TLK1: variants seen among roughly 807,000 people sequenced by gnomAD.
TLK1 encodes tousled like kinase 1, also known as serine/threonine-protein kinase tousled-like 1.
Under a neutral mutation model 105.3 loss-of-function variants are expected in TLK1, and 24 were observed. The ratio of observed to expected loss-of-function variants is 0.23; its 90% CI spans 0.17 to 0.32. The LOEUF is 0.32. Ranked by LOEUF, TLK1 falls within the 10% of genes least tolerant of loss-of-function variation. TLK1 has a pLI of 1.00. For missense variants in TLK1, 558 were observed against 910.5 expected (o/e 0.61, Z 4.98); for synonymous variants, 321 against 310.4 (o/e 1.03, Z -0.36).
chr2:171,112,751 A>T (rs1690237506), intron 2 of TLK1, among the ~76,000 whole-genome samples: 1 of 152,188 alleles, frequency 6.6e-6, no homozygotes, highest in Non-Finnish European at 1.5e-5. Flanking sequence ...AACTATAAAA[A>T]TTAAAAGCAT....
At chr2:171,109,532 CA>C (rs758969230) in intron 2 of TLK1, among the ~76,000 whole-genome samples, 1 of 152,136 alleles carries the variant, frequency 6.6e-6, no homozygotes, top group African/African-American at 2.4e-5. Flanking sequence ...AAAAGAATCA[CA>C]ACAAAATGTC....
At chr2:171,093,741 T>C (rs529667768) in intron 2 of TLK1, among the ~76,000 whole-genome samples, 107 of 152,102 alleles carry the variant, frequency 7.0e-4, no homozygotes, top group Non-Finnish European at 1.3e-3. Flanking sequence ...AATAGGTAAG[T>C]AAGATCAGGC....
intron 3 of TLK1, among the ~76,000 whole-genome samples, chr2:171,062,449 T>C (rs1301730275): frequency 6.6e-6 from 1 of 152,144 alleles, no homozygotes; most frequent in East Asian, 1.9e-4. Context: ...CTAAGTACCA[T>C]CTTGAGTATT....
intron 1 of TLK1, among the ~76,000 whole-genome samples, chr2:171,168,222 TG>T (rs1449367818): frequency 6.6e-6 from 1 of 152,112 alleles, no homozygotes; most frequent in African/African-American, 2.4e-5. Flanking sequence ...AATTACTTAA[TG>T]CATTCCCAGA....
intron 2 of TLK1, among the ~76,000 whole-genome samples, chr2:171,101,778 G>C (rs757288851): frequency 6.6e-6 from 1 of 152,068 alleles, no homozygotes; most frequent in South Asian, 2.1e-4. Context: ...ACACAGACTT[G>C]AGGCCTTCAA....
At chr2:171,084,614 G>T (rs1332697406) in intron 2 of TLK1, among the ~76,000 whole-genome samples, 3 of 152,044 alleles carry the variant, frequency 2.0e-5, no homozygotes, top group African/African-American at 7.2e-5. Context: ...GTAGGCAAAA[G>T]AAAATTATGC....
intron 12 of TLK1, among the ~76,000 whole-genome samples, chr2:171,017,037 A>G (rs1341196682): frequency 6.6e-6 from 1 of 152,124 alleles, no homozygotes; most frequent in Non-Finnish European, 1.5e-5. Flanking sequence ...TTTAATTTTA[A>G]TTTTAAAAAG....
chr2:171,189,539 T>G (rs1693102348), intron 1 of TLK1, among the ~76,000 whole-genome samples: 1 of 152,220 alleles, frequency 6.6e-6, no homozygotes, highest in Admixed American at 6.5e-5. Context: ...TTTTATTGCA[T>G]AGGCCAACCA....
chr2:171,125,845 T>C (rs1365553602), intron 1 of TLK1, among the ~76,000 whole-genome samples: 1 of 152,206 alleles, frequency 6.6e-6, no homozygotes, highest in Non-Finnish European at 1.5e-5. Context: ...TCTTTTTTGA[T>C]GTTTTTAGCC....
At chr2:171,042,654 T>C (rs1440733859) in intron 11 of TLK1, among the ~76,000 whole-genome samples, 1 of 150,680 alleles carries the variant, frequency 6.6e-6, no homozygotes, top group East Asian at 1.9e-4. Flanking sequence ...CTACAATACA[T>C]ACAAGTATGC....
intron 1 of TLK1, among the ~76,000 whole-genome samples, chr2:171,208,993 A>T (rs1693559342): frequency 6.6e-6 from 1 of 152,208 alleles, no homozygotes; most frequent in Non-Finnish European, 1.5e-5. Context: ...TGTATAGAAG[A>T]CACTGGTTAA....
chr2:171,177,093 A>G (rs1382937919), intron 1 of TLK1, among the ~76,000 whole-genome samples: 2 of 151,392 alleles, frequency 1.3e-5, no homozygotes, highest in African/African-American at 4.9e-5. Flanking sequence ...TCTGCCTCCC[A>G]AAGTGCTGGG....
At chr2:171,053,423 C>G (rs569594549) in intron 8 of TLK1, among the ~76,000 whole-genome samples, 2 of 151,766 alleles carry the variant, frequency 1.3e-5, no homozygotes, top group African/African-American at 4.8e-5. Context: ...AGTACAGTGA[C>G]GTGATCTCAG....
intron 1 of TLK1, among the ~76,000 whole-genome samples, chr2:171,132,664 G>A (rs115399144): frequency 0.032 from 4,876 of 152,182 alleles, 254 homozygotes; most frequent in African/African-American, 0.11. Context: ...CAGGTGCTAT[G>A]GCTTCCGAGT....
rs749570935 is a variant in TLK1, at chr2:171,028,397, A to G, written c.1178T>C (p.Leu393Ser). 3.1e-6 allele frequency: 5 copies of G among 1,606,790 alleles called. No individual in the cohort carries two copies. The South Asian group carries it at 5.5e-5, about 18-fold the overall frequency. The change falls in exon 12 of 21, where the codon TTG becomes TCG. Residue 393 changes from leucine to serine, a missense_variant. By Grantham distance (145) the Leu-to-Ser change is moderately radical. This residue lies in a region of TLK1 where 218 missense variants were observed against 492.9 expected (regional missense o/e 0.44). Coordinates refer to ENST00000431350, the MANE Select transcript of TLK1 (RefSeq NM_012290.5). ...VRPNLPQLLTLAEYHEQEEIF... is the reference protein window; with the variant it reads ...VRPNLPQLLTSAEYHEQEEIF... The stretch of plus-strand genomic sequence containing the variant: ...TTCTTCCTGTTCATGATATTCTGCC[A>G]AAGTCAACCTGTCAAAAATGAAATT...
chr2:171,002,736 G>A (rs80073860), intron 18 of TLK1, among the ~76,000 whole-genome samples: 25 of 152,180 alleles, frequency 1.6e-4, no homozygotes, highest in African/African-American at 5.8e-4. Flanking sequence ...AGGCTCAAGC[G>A]ATGATCCTCT....
chr2:171,119,770 T>G (rs1394081365), intron 1 of TLK1, among the ~76,000 whole-genome samples: 2 of 152,174 alleles, frequency 1.3e-5, no homozygotes, highest in African/African-American at 4.8e-5. Context: ...GATATCCACA[T>G]GCAAATAAAT....
intron 2 of TLK1, among the ~76,000 whole-genome samples, chr2:171,112,403 T>C (rs1690215790): frequency 6.6e-6 from 1 of 152,238 alleles, no homozygotes; most frequent in Admixed American, 6.5e-5. Flanking sequence ...AAAAAGACTT[T>C]CATAAGTTCA....
chr2:171,126,500 T>C (rs540174086), intron 1 of TLK1, among the ~76,000 whole-genome samples: 6 of 152,328 alleles, frequency 3.9e-5, no homozygotes, highest in African/African-American at 1.4e-4. Context: ...CCTGTATTTA[T>C]GACAAGGAAT....
Sources: gnomAD v4.1 joint callset for allele counts (sites outside exome capture counted in the v4.1 genomes callset) on GRCh38, gnomAD v4.1.1 for gene constraint, gnomAD v4.1.1 regional missense constraint, MANE v1.5 for transcripts, NCBI Gene and HGNC (gene_info 2026-07-23, HGNC 2026-07-21) for gene names.